The following RPH3A variants were observed in gnomAD, a reference collection of about 807,000 sequenced individuals.
RPH3A encodes the protein rabphilin-3A.
Under a neutral mutation model 102.2 loss-of-function variants are expected in RPH3A, and 48 were observed. The ratio of observed to expected loss-of-function variants is 0.47; its 90% CI spans 0.37 to 0.60. The LOEUF (loss-of-function observed/expected upper bound fraction) is 0.60. Ranked by LOEUF, RPH3A falls within the 20% of genes least tolerant of loss-of-function variation. The probability of loss-of-function intolerance (pLI) is 0.00; values close to 1 mark genes in which losing one functional copy is unlikely to be tolerated. For missense variants in RPH3A, 781 were observed against 910.1 expected (o/e 0.86, Z 1.83); for synonymous variants, 310 against 324.3 (o/e 0.96, Z 0.47).
chr12:112,749,391 G>A (rs2040770738), intron 1 of RPH3A, among the ~76,000 whole-genome samples: 1 of 152,166 alleles, frequency 6.6e-6, no homozygotes, highest in Admixed American at 6.5e-5. Context: ...TTAGAGACAG[G>A]ACATTTTTCC....
intron 2 of RPH3A, among the ~76,000 whole-genome samples, chr12:112,806,724 A>G (rs2041472009): frequency 6.6e-6 from 1 of 152,066 alleles, no homozygotes; most frequent in Non-Finnish European, 1.5e-5. Flanking sequence ...TTGGTCGTTT[A>G]TAGTATGTGA....
intron 1 of RPH3A, among the ~76,000 whole-genome samples, chr12:112,658,866 AC>A (rs1566246196): frequency 6.6e-6 from 1 of 152,162 alleles, no homozygotes; most frequent in East Asian, 1.9e-4. Flanking sequence ...TTCCAGGCCA[AC>A]GGCGCCTCAT....
intron 2 of RPH3A, among the ~76,000 whole-genome samples, chr12:112,822,996 G>A (rs12297016): frequency 0.13 from 19,981 of 152,232 alleles, 1,455 homozygotes; most frequent in East Asian, 0.27. Flanking sequence ...TTCAGGAGAA[G>A]AAGTCATTTT....
At chr12:112,628,568 CAAAAAAAAAAAAAAAAAAAAAAA>C (rs771688201) in intron 1 of RPH3A, among the ~76,000 whole-genome samples, 30 of 27,050 alleles carry the variant, frequency 1.1e-3, no homozygotes, top group African/African-American at 3.5e-3. Context: ...GTCTTTACCA[CAAAAAAAAAAAAAAAAAAAAAAA>C]AAAAAAAAAA....
In RPH3A at chr12:112,785,810, C is replaced by T. The variant is rs144368628; in HGVS notation, c.-139-6333C>T. On this transcript the variant is annotated intron_variant, in intron 1 of 21. Coordinates refer to the RPH3A transcript ENST00000543106. ...CTAGAACCTGGCCTCTTAACAATTT[C>T]ATTATGCCGTCTCTGCTGTTGCTGT... 1.9e-3 allele frequency among the ~76,000 whole-genome samples: 282 copies of T among 152,324 alleles called. 1 individual carries two copies. Among genetic ancestry groups the T allele is most frequent in the African/African-American group, 6.4e-3 (267 of 41,576 alleles).
At chr12:112,608,859 C>T (rs1690115652) in intron 1 of RPH3A, among the ~76,000 whole-genome samples, 1 of 152,174 alleles carries the variant, frequency 6.6e-6, no homozygotes, top group African/African-American at 2.4e-5. Flanking sequence ...ATATTTACAA[C>T]TGGCAAAGTA....
chr12:112,828,414 G>A (rs1399834715), intron 3 of RPH3A, 25 bp downstream of exon 3: 4 of 1,576,302 alleles, frequency 2.5e-6, no homozygotes, highest in Admixed American at 1.8e-5. Context: ...CTTCCTGGGA[G>A]TGGCTTGTTT....
At chr12:112,616,821 G>A (rs2039683674) in intron 1 of RPH3A, among the ~76,000 whole-genome samples, 1 of 152,182 alleles carries the variant, frequency 6.6e-6, no homozygotes, top group Non-Finnish European at 1.5e-5. Context: ...GTGGCCAAAT[G>A]CTGATCCAAC....
At position 112,680,107 on chromosome 12, in the gene RPH3A, T is replaced by G. The variant is rs181700214; in HGVS notation, c.-140+104788T>G. Among the ~76,000 whole-genome samples the G allele has an allele frequency of 4.9e-3, 742 of 152,054 alleles. 3 individuals are homozygous for G. Among genetic ancestry groups the G allele is most frequent in the South Asian group, 0.019 (92 of 4,808 alleles). On this transcript the variant is annotated intron_variant, in intron 1 of 21. Coordinates refer to the RPH3A transcript ENST00000543106. ...CAAGGAATGGGGGCAGAAAAGGCTA[T>G]GGGGATGCAGTGATGTGAATGAGGG...
rs1013620169 is a variant in RPH3A at position 112,898,687 on chromosome 12, C to A, written c.*1907C>A. 1 of 152,280 alleles carries A rather than the reference C, an allele frequency of 6.6e-6. No homozygotes were observed. The highest frequency in any genetic ancestry group is 1.9e-4 in the East Asian group (1 of 5,204). 9.4% of individuals were successfully genotyped at this position (152,280 alleles called of 1,614,324 possible). On this transcript the variant is annotated 3_prime_UTR_variant, in exon 22 of 22. Transcript: ENST00000389385. Reference sequence around the variant, plus strand: ...CAGCATGCTGGCTGTGTCGCCCAAGCCTGATGCTGGTGTAGGCGCTGGAAT... The same window carrying A: ...CAGCATGCTGGCTGTGTCGCCCAAGACTGATGCTGGTGTAGGCGCTGGAAT...
intron 5 of RPH3A, among the ~76,000 whole-genome samples, chr12:112,862,068 C>T (rs2042527093): frequency 1.3e-5 from 2 of 151,070 alleles, no homozygotes; most frequent in Admixed American, 1.3e-4. Context: ...ATCTGTAATC[C>T]CAATGCTTTG....
At chr12:112,712,057 C>T (rs925357232) in intron 1 of RPH3A, among the ~76,000 whole-genome samples, 22 of 152,088 alleles carry the variant, frequency 1.4e-4, no homozygotes, top group African/African-American at 5.3e-4. Context: ...GTCTCAAACT[C>T]CTGACCTCAG....
chr12:112,879,571 T>G (rs1196420757), intron 14 of RPH3A, among the ~76,000 whole-genome samples: 1 of 152,188 alleles, frequency 6.6e-6, no homozygotes, highest in African/African-American at 2.4e-5. Context: ...GTCCCATCCC[T>G]GTGTCTGCCT....
At chr12:112,640,509 ACT>A (rs1008686782) in intron 1 of RPH3A, among the ~76,000 whole-genome samples, 12 of 149,594 alleles carry the variant, frequency 8.0e-5, no homozygotes, top group African/African-American at 3.0e-4. Context: ...TCTCCTCTAC[ACT>A]CTCTTCTCTT....
At chr12:112,712,928 T>C (rs151184422) in intron 1 of RPH3A, among the ~76,000 whole-genome samples, 5 of 96,500 alleles carry the variant, frequency 5.2e-5, no homozygotes, top group African/African-American at 7.0e-5. Context: ...CTTCTTCCTC[T>C]TCTTCTTCTT....
At chr12:112,637,214 T>C (rs1395684693) in intron 1 of RPH3A, among the ~76,000 whole-genome samples, 2 of 152,200 alleles carry the variant, frequency 1.3e-5, no homozygotes, top group Non-Finnish European at 2.9e-5. Flanking sequence ...TTCTCCTTTC[T>C]GATACAACAG....
intron 2 of RPH3A, among the ~76,000 whole-genome samples, chr12:112,811,765 G>T (rs1365684449): frequency 6.6e-6 from 1 of 152,152 alleles, no homozygotes; most frequent in Non-Finnish European, 1.5e-5. Context: ...ATGAGTATTG[G>T]CTATGTGTGT....
intron 5 of RPH3A, chr12:112,850,680 C>T (rs1484849364): frequency 6.6e-6 from 1 of 152,226 alleles, no homozygotes; most frequent in African/African-American, 2.4e-5. Flanking sequence ...GCCCTGATTC[C>T]TGTTCCACCC....
chr12:112,818,654 C>T (rs1408039111), intron 2 of RPH3A, among the ~76,000 whole-genome samples: 1 of 152,124 alleles, frequency 6.6e-6, no homozygotes, highest in African/African-American at 2.4e-5. Flanking sequence ...CACTGATGGG[C>T]CAGGCACAGG....
Sources: gnomAD v4.1 joint callset for allele counts (sites outside exome capture counted in the v4.1 genomes callset) on GRCh38, gnomAD v4.1.1 for gene constraint, MANE v1.5 for transcripts, NCBI Gene and HGNC (gene_info 2026-07-23, HGNC 2026-07-21) for gene names.